The following NRDE2 variants were observed in gnomAD, a reference collection of about 807,000 sequenced individuals.
NRDE2 encodes NRDE-2, necessary for RNA interference, domain containing.
In NRDE2, 76 loss-of-function variants were observed where a neutral mutation model predicts 124.2. The ratio of observed to expected loss-of-function variants is 0.61; its 90% CI spans 0.51 to 0.74. The LOEUF is 0.74. Among genes scored for constraint, NRDE2 ranks in the 30% least tolerant of loss-of-function variants. The pLI is 0.00. For synonymous variants in NRDE2, 489 were observed against 528.1 expected (o/e 0.93, Z 1.01); for missense variants, 1,314 against 1,417.3 (o/e 0.93, Z 1.17).
chr14:90,320,664 G>A (rs1469837587), intron 1 of NRDE2, among the ~76,000 whole-genome samples: 1 of 152,118 alleles, frequency 6.6e-6, no homozygotes, highest in African/African-American at 2.4e-5. Context: ...AAAAGAGGAA[G>A]GAAGGAAAAT....
chr14:90,297,145 A>C (rs1034289749), intron 8 of NRDE2, among the ~76,000 whole-genome samples: 7 of 151,822 alleles, frequency 4.6e-5, no homozygotes, highest in African/African-American at 1.7e-4. Flanking sequence ...TCTCAAAAAA[A>C]AAAAAAAGAA....
At chr14:90,279,012 T>G in intron 13 of NRDE2, 50 bp downstream of exon 13, 1 of 1,324,720 alleles carries the variant, frequency 7.5e-7, no homozygotes, top group Non-Finnish European at 1.1e-6. Context: ...GACGGAGACC[T>G]GGCGGGAAGT....
rs1322377398 is a variant in NRDE2, at chr14:90,289,146, C to T, written c.2230-1G>A. 1 of 1,588,586 alleles carries T rather than the reference C, an allele frequency of 6.3e-7. No homozygotes were observed. The highest frequency in any genetic ancestry group is 8.6e-7 in the Non-Finnish European group (1 of 1,163,146). On this transcript the variant is annotated splice_acceptor_variant, in intron 10 of 13. Coordinates refer to ENST00000354366, the MANE Select transcript of NRDE2 (RefSeq NM_017970.4). LOFTEE classifies it high-confidence loss of function. The stretch of plus-strand genomic sequence containing the variant: ...TTTTAGTGTGCAGGCACCAAATGAC[C>T]TACAGGGAAAAAGAGAAGAATGACT...
chr14:90,302,100 T>C (rs1437902841), intron 6 of NRDE2, among the ~76,000 whole-genome samples: 3 of 152,206 alleles, frequency 2.0e-5, no homozygotes, highest in African/African-American at 7.2e-5. Context: ...CACAGTCCTG[T>C]AAAGCAGGTT....
chr14:90,291,793 T>C (rs956189276), intron 9 of NRDE2, among the ~76,000 whole-genome samples: 1 of 152,224 alleles, frequency 6.6e-6, no homozygotes, highest in Admixed American at 6.5e-5. Flanking sequence ...GGCCTTCACT[T>C]GTGCTGATCC....
chr14:90,331,376 G>A (rs1312335844), intron 1 of NRDE2, among the ~76,000 whole-genome samples: 1 of 152,164 alleles, frequency 6.6e-6, no homozygotes, highest in African/African-American at 2.4e-5. Context: ...AACTGATTAG[G>A]TTTTGGATAC....
intron 9 of NRDE2, 126 bp downstream of exon 9, chr14:90,292,571 T>C: frequency 1.0e-6 from 1 of 969,352 alleles, no homozygotes; most frequent in Non-Finnish European, 1.5e-6. Context: ...CAGGTTAGCA[T>C]CTCCTAAGCT....
rs561313278 is a variant in NRDE2, at chr14:90,313,068, T to C, written c.408-525A>G. ...AACTCAAAACTTCTCTAAAAAGCCA[T>C]GGTTCTGAACTGCTCAGCCTCCAAC... is the stretch of plus-strand genomic sequence containing the variant. On this transcript the variant is annotated intron_variant, in intron 3 of 13. Coordinates refer to ENST00000354366, the MANE Select transcript of NRDE2 (RefSeq NM_017970.4). Among the ~76,000 whole-genome samples, 37 of 151,708 alleles carry C rather than the reference T, an allele frequency of 2.4e-4. No individual in the cohort carries two copies. The South Asian group carries it at 7.3e-3, about 30-fold the overall frequency.
chr14:90,276,599 G>C lies in NRDE2; in HGVS notation c.*1737C>G, dbSNP rs1408431358. On this transcript the variant is annotated 3_prime_UTR_variant, in exon 14 of 14. Coordinates refer to ENST00000354366, the MANE Select transcript of NRDE2 (RefSeq NM_017970.4). ...AATGCCCTCAAGGAATCTTTGATTT[G>C]TTTTAAACCTCCTCCCATGCAGCAA... 1.3e-5 allele frequency: 2 copies of C among 151,986 alleles called. No individual in the cohort carries two copies. Among genetic ancestry groups the C allele is most frequent in the Non-Finnish European group, 2.9e-5 (2 of 68,028 alleles). 9.4% of individuals were successfully genotyped at this position (151,986 alleles called of 1,614,324 possible). A position where few individuals can be genotyped will look rare whatever the true frequency, so the allele number is the denominator to read the frequency against.
chr14:90,315,957 C>CAAAAAAAAAAA (rs59604203), intron 3 of NRDE2, among the ~76,000 whole-genome samples: 4 of 74,392 alleles, frequency 5.4e-5, no homozygotes, highest in African/African-American at 1.1e-4. Context: ...AACCCCGTCT[C>CAAAAAAAAAAA]AAAAAAAAAA....
intron 6 of NRDE2, chr14:90,301,673 C>A: frequency 2.2e-6 from 1 of 462,794 alleles, no homozygotes; most frequent in South Asian, 1.6e-5. Context: ...ATAATCACAG[C>A]TCATTATCAC....
chr14:90,276,318 A>G lies in NRDE2; in HGVS notation c.*2018T>C, dbSNP rs1470898560. 7.2e-6 allele frequency: 1 copy of G among 138,676 alleles called. No individual in the cohort carries two copies. The highest frequency in any genetic ancestry group is 1.5e-5 in the Non-Finnish European group (1 of 66,352). The allele number at this position is 138,676 out of a possible 1,614,324, so 8.6% of individuals were successfully genotyped here. ...ACTGCAAGCTCTGCCTCCCAGGTTCACGCCATTCTCCTGCCTTAGCCTTCC... is the reference window on the plus strand; with the variant it reads ...ACTGCAAGCTCTGCCTCCCAGGTTCGCGCCATTCTCCTGCCTTAGCCTTCC... On this transcript the variant is annotated 3_prime_UTR_variant, in exon 14 of 14. Coordinates refer to ENST00000354366, the MANE Select transcript of NRDE2 (RefSeq NM_017970.4).
intron 7 of NRDE2, among the ~76,000 whole-genome samples, chr14:90,300,406 G>A (rs1003764916): frequency 3.3e-5 from 5 of 152,034 alleles, no homozygotes; most frequent in African/African-American, 4.8e-5. Context: ...CCCACATGAC[G>A]GAGGCCTTGG....
At chr14:90,281,004 G>T (rs1014642744) in intron 12 of NRDE2, 1 of 152,260 alleles carries the variant, frequency 6.6e-6, no homozygotes, top group African/African-American at 2.4e-5. Flanking sequence ...GGGTGCCCGA[G>T]TGAGTGTGTG....
At position 90,272,248 on chromosome 14, in the gene NRDE2, C is replaced by T. The variant is rs777426855; in HGVS notation, c.*6088G>A. On this transcript the variant is annotated 3_prime_UTR_variant, in exon 14 of 14. Coordinates refer to ENST00000354366, the MANE Select transcript of NRDE2 (RefSeq NM_017970.4). The surrounding 1 kb of genome is among the most constrained non-coding windows in gnomAD (Gnocchi z 4.5). ...AGAATAAAAATGAGTATGTCACTTT[C>T]TGAACACACTCTTCTTTCTTACAGG... 5.0e-6 allele frequency: 8 copies of T among 1,600,170 alleles called. No homozygotes were observed. The highest frequency in any genetic ancestry group is 5.1e-6 in the Non-Finnish European group (6 of 1,177,088).
chr14:90,331,811 G>A (rs1276103084), intron 1 of NRDE2, 30 bp downstream of exon 1: 4 of 1,612,700 alleles, frequency 2.5e-6, no homozygotes, highest in Non-Finnish European at 3.4e-6. Context: ...AGCCCCCCAG[G>A]TGCCTTCTTC....
Position 90,318,115 on chromosome 14 carries a change from T to A in NRDE2, c.65-2A>T, listed in dbSNP as rs1885113779. On this transcript the variant is annotated splice_acceptor_variant, in intron 1 of 13. Coordinates refer to ENST00000354366, the MANE Select transcript of NRDE2 (RefSeq NM_017970.4). LOFTEE classifies it high-confidence loss of function. The stretch of plus-strand genomic sequence containing the variant: ...TTGGGTTGCTCAGCCAGTCTAACTC[T>A]GCACAGGCAAAAGGAGAAAAGATCA... The A allele has an allele frequency of 2.5e-6, 4 of 1,608,528 alleles. No homozygotes were observed. Among genetic ancestry groups the A allele is most frequent in the East Asian group, 4.5e-5 (2 of 44,788 alleles).
intron 8 of NRDE2, among the ~76,000 whole-genome samples, chr14:90,294,602 G>A (rs961755727): frequency 6.6e-6 from 1 of 152,170 alleles, no homozygotes; most frequent in African/African-American, 2.4e-5. Context: ...ACTACTGTAT[G>A]ATTCCACATC....
chr14:90,280,396 G>A (rs1424533705), intron 12 of NRDE2: 2 of 152,262 alleles, frequency 1.3e-5, no homozygotes, highest in Non-Finnish European at 2.9e-5. Flanking sequence ...CCAGTTCTGA[G>A]GCTGAGCCTC....
Sources: allele counts gnomAD v4.1 joint callset (sites outside exome capture counted in the v4.1 genomes callset), GRCh38; gene constraint gnomAD v4.1.1; non-coding constraint Gnocchi (gnomAD v3.1); transcripts MANE v1.5; gene names NCBI Gene and HGNC (gene_info 2026-07-23, HGNC 2026-07-21).